The following RGS3 variants were observed in gnomAD, a reference collection of about 807,000 sequenced individuals.
The protein encoded by RGS3 is regulator of G protein signaling 3.
A neutral mutation model predicts 132.6 loss-of-function variants in RGS3; 80 were observed. The ratio of observed to expected loss-of-function variants is 0.60; its 90% confidence interval spans 0.50 to 0.73. The LOEUF (loss-of-function observed/expected upper bound fraction) is 0.73. Ranked by LOEUF, RGS3 falls within the 30% of genes least tolerant of loss-of-function variation. The pLI, the probability that RGS3 is intolerant of heterozygous loss-of-function variation, is 0.00. For synonymous variants in RGS3, 598 were observed against 620.6 expected, an observed-to-expected ratio of 0.96 and a Z score of 0.54; for missense variants, 1,382 against 1,530.8, an observed-to-expected ratio of 0.90 and a Z score of 1.62.
intron 16 of RGS3, among the ~76,000 whole-genome samples, chr9:113,520,552 T>G (rs867212307): frequency 7.3e-5 from 11 of 151,030 alleles, no homozygotes; most frequent in Middle Eastern, 3.4e-3. Context: ...GTTTTTTTTT[T>G]TTTTTTTTTT....
intron 19 of RGS3, among the ~76,000 whole-genome samples, chr9:113,569,590 C>CTTCT (rs1161299461): frequency 8.0e-6 from 1 of 125,190 alleles, no homozygotes. Context: ...TCCTTCCTTC[C>CTTCT]TTCCTTCCTT....
rs1220150633 is a variant in RGS3, at chr9:113,526,678, C to T, written c.1871-2543C>T. Among the ~76,000 whole-genome samples the T allele has an allele frequency of 5.3e-5, 8 of 152,112 alleles. No individual in the cohort carries two copies. In the East Asian group the frequency reaches 5.8e-4, roughly 11 times the overall value. ...GTGAGAGAGGGCTCTGGGAAAGTGA[C>T]GGAGGGGTCAGACCTGGGCCAGGAA... is the stretch of plus-strand genomic sequence containing the variant. On this transcript the variant is annotated intron_variant, in intron 17 of 24. Transcript: ENST00000350696.
At chr9:113,474,606 T>C (rs904081707) in intron 3 of RGS3, among the ~76,000 whole-genome samples, 2 of 152,154 alleles carry the variant, frequency 1.3e-5, no homozygotes, top group Non-Finnish European at 2.9e-5. Flanking sequence ...CGTGTCCTCA[T>C]AAACGGAGGG....
chr9:113,480,079 T>C (rs953913811), intron 4 of RGS3, among the ~76,000 whole-genome samples: 3 of 152,198 alleles, frequency 2.0e-5, no homozygotes, highest in African/African-American at 7.2e-5. Flanking sequence ...TACAGGTTGC[T>C]ACAAAGATTA....
At chr9:113,558,720 C>G (rs1257294952) in intron 19 of RGS3, among the ~76,000 whole-genome samples, 1 of 152,228 alleles carries the variant, frequency 6.6e-6, no homozygotes, top group South Asian at 2.1e-4. Context: ...TGTAGCATCA[C>G]ACTGCATGTG....
chr9:113,488,803 G>T (rs1394856104), intron 7 of RGS3, among the ~76,000 whole-genome samples: 5 of 152,210 alleles, frequency 3.3e-5, no homozygotes, highest in Non-Finnish European at 7.3e-5. Context: ...TGAGCAGCAC[G>T]CAGGCCGGCC....
At chr9:113,528,855 T>G (rs1051213379) in intron 17 of RGS3, among the ~76,000 whole-genome samples, 2 of 152,190 alleles carry the variant, frequency 1.3e-5, no homozygotes, top group African/African-American at 4.8e-5. Context: ...AATCCAGATG[T>G]GTGCTGCCTC....
intron 21 of RGS3, chr9:113,593,849 C>T: frequency 4.1e-6 from 6 of 1,476,504 alleles, no homozygotes; most frequent in Middle Eastern, 1.8e-4. Context: ...AGTGCCTCCC[C>T]TGGCTCCCTC....
intron 19 of RGS3, among the ~76,000 whole-genome samples, chr9:113,540,002 G>C (rs890103376): frequency 6.6e-6 from 1 of 151,950 alleles, no homozygotes; most frequent in Non-Finnish European, 1.5e-5. Context: ...TGTGATTTTC[G>C]TGAAAGCTGA....
At chr9:113,527,535 C>T (rs1185902502) in intron 17 of RGS3, among the ~76,000 whole-genome samples, 3 of 152,208 alleles carry the variant, frequency 2.0e-5, no homozygotes, top group Non-Finnish European at 4.4e-5. Flanking sequence ...CTCCCTCCCT[C>T]CCCAGTCCAT....
chr9:113,583,271 G>A, intron 19 of RGS3, 179 bp from the exon 18 acceptor site: 1 of 1,108,870 alleles, frequency 9.0e-7, no homozygotes, highest in Admixed American at 2.9e-5. Flanking sequence ...AGAAGACAGG[G>A]TGAGAATTGT....
At chr9:113,479,325 G>A in intron 3 of RGS3, 166 bp from the exon 2 acceptor site, 2 of 721,144 alleles carry the variant, frequency 2.8e-6, no homozygotes, top group East Asian at 2.5e-5. Flanking sequence ...GTGGTGGGCG[G>A]GGCTGAACCC....
In RGS3 at chr9:113,484,236, A is replaced by G; in HGVS notation, c.620+4A>G. ...CTTTCCACGAGCACTTCTTCTTGTAAGAGTCTGGTGCAGCTGGGCCCTAGA... is the reference window on the plus strand; with the variant it reads ...CTTTCCACGAGCACTTCTTCTTGTAGGAGTCTGGTGCAGCTGGGCCCTAGA... On this transcript the variant is annotated splice_donor_region_variant and intron_variant, in intron 6 of 24. Transcript: ENST00000350696. The G allele has an allele frequency of 2.0e-6, 3 of 1,524,634 alleles. No individual in the cohort carries two copies. In the East Asian group the frequency reaches 7.6e-5, roughly 39 times the overall value. The allele number at this position is 1,524,634 out of a possible 1,614,324, so 94.4% of individuals were successfully genotyped here.
chr9:113,466,685 A>G (rs942913583), intron 3 of RGS3, among the ~76,000 whole-genome samples: 1 of 152,130 alleles, frequency 6.6e-6, no homozygotes, highest in African/African-American at 2.4e-5. Context: ...TGTATATTTT[A>G]TTTTGATTAG....
In RGS3 at chr9:113,467,406, T is replaced by C. The variant is rs190854897; in HGVS notation, c.415+5205T>C. Among the ~76,000 whole-genome samples the C allele has an allele frequency of 3.0e-4, 46 of 152,382 alleles. No individual in the cohort carries two copies. In the East Asian group the frequency reaches 8.3e-3, roughly 27 times the overall value. On this transcript the variant is annotated intron_variant, in intron 3 of 24. Coordinates refer to ENST00000350696, the Ensembl canonical transcript of RGS3. ...TTACCAACACTTGTTATTATCTGAC[T>C]TTTTAATTCTAGCTATCCTAGTGGG...
chr9:113,500,102 G>A (rs565191778), intron 10 of RGS3, among the ~76,000 whole-genome samples: 11 of 152,274 alleles, frequency 7.2e-5, no homozygotes, highest in African/African-American at 1.4e-4. Context: ...GTCCTCCTGC[G>A]TGCTGGATTC....
intron 14 of RGS3, among the ~76,000 whole-genome samples, chr9:113,511,286 G>T (rs1047539413): frequency 6.6e-6 from 1 of 152,182 alleles, no homozygotes; most frequent in Admixed American, 6.5e-5. Flanking sequence ...GGTGAAGCAG[G>T]TGTTGGAGGA....
chr9:113,577,872 A>C (rs1379870440), intron 19 of RGS3, among the ~76,000 whole-genome samples: 1 of 152,200 alleles, frequency 6.6e-6, no homozygotes, highest in Middle Eastern at 3.2e-3. Context: ...GGCAGTGATG[A>C]CTTGGTCAAT....
At chr9:113,508,509 G>C in intron 13 of RGS3, 32 bp from the exon 12 acceptor site, 1 of 1,612,072 alleles carries the variant, frequency 6.2e-7, no homozygotes, top group Admixed American at 1.7e-5. Flanking sequence ...TGTTCCTGGG[G>C]CTGAGGTGGT....
Sources: allele counts gnomAD v4.1 joint callset (sites outside exome capture counted in the v4.1 genomes callset), GRCh38; gene constraint gnomAD v4.1.1; transcripts MANE v1.5; gene names NCBI Gene and HGNC (gene_info 2026-07-23, HGNC 2026-07-21).